The following LAD1 variants were observed in gnomAD, a reference collection of about 807,000 sequenced individuals.
LAD1 encodes ladinin-1.
A neutral mutation model predicts 54.2 loss-of-function variants in LAD1; 53 were observed. That is an observed-to-expected ratio of 0.98 (90% CI 0.78 to 1.23). LAD1 has a LOEUF of 1.23. Ranked by LOEUF, LAD1 falls within the 50% of genes most tolerant of loss-of-function variation. The pLI is 0.00. For missense variants in LAD1, 637 were observed against 653.3 expected, an observed-to-expected ratio of 0.98 and a Z score of 0.27; for synonymous variants, 231 against 257.7, an observed-to-expected ratio of 0.90 and a Z score of 0.99.
In LAD1 at chr1:201,386,833, C is replaced by G; in HGVS notation, c.528G>C (p.Lys176Asn). 1 of 1,613,860 alleles carries G rather than the reference C, an allele frequency of 6.2e-7. No individual in the cohort carries two copies. Among genetic ancestry groups the G allele is most frequent in the African/African-American group, 1.3e-5 (1 of 74,926 alleles). Reference protein sequence around the residue: ...PEERKKGVPEKSPVLEKSSMP... With the variant: ...PEERKKGVPENSPVLEKSSMP... The stretch of plus-strand genomic sequence containing the variant: ...TGGAGGACTTCTCCAAGACTGGGGA[C>G]TTTTCTGGAACCCCTTTCTTCCTCT... Residue 176 changes from lysine (K) to asparagine (N), a missense_variant, in exon 3 of 10, where the codon AAG (lysine) becomes AAC (asparagine). Transcript: ENST00000391967.
Position 201,389,166 on chromosome 1 carries a change from G to T in LAD1, c.176C>A (p.Ser59Tyr). Reference sequence around the variant, plus strand: ...TAGAAACCTGAGCACCTACCTCTCAGAAGCAGAGGCCTGCCGGTCTCCATT... The same window carrying T: ...TAGAAACCTGAGCACCTACCTCTCATAAGCAGAGGCCTGCCGGTCTCCATT... The part of the protein sequence containing the change: ...SQNGDRQASA[S>Y]ERLPSVEEAE... The change falls in exon 2 of 10, where the codon TCT (serine) becomes TAT (tyrosine). Residue 59 changes from serine (S) to tyrosine (Y), a missense_variant. Ser to Tyr is a moderately radical substitution (Grantham distance 144, BLOSUM62 -2). Coordinates refer to ENST00000391967, the MANE Select transcript of LAD1 (RefSeq NM_005558.4). 1 of 1,613,986 alleles carries T rather than the reference G, an allele frequency of 6.2e-7. No individual in the cohort carries two copies. The highest frequency in any genetic ancestry group is 8.5e-7 in the Non-Finnish European group (1 of 1,179,870).
At chr1:201,382,393 A>C (rs1206782607) in intron 8 of LAD1, 67 bp from the exon 9 acceptor site, 9 of 1,250,658 alleles carry the variant, frequency 7.2e-6, no homozygotes, top group Non-Finnish European at 1.1e-5. Flanking sequence ...GGGATACCCC[A>C]GGCCCAGCTC....
chr1:201,385,265 C>T lies in LAD1; in HGVS notation c.1132-430G>A, dbSNP rs551277282. ...GAATAAACACCAGGACAAAGCAAGACGAGATTTCCCCAATCCACATAGTTT... is the reference window on the plus strand; with the variant it reads ...GAATAAACACCAGGACAAAGCAAGATGAGATTTCCCCAATCCACATAGTTT... On this transcript the variant is annotated intron_variant, in intron 4 of 9. Coordinates refer to ENST00000391967, the MANE Select transcript of LAD1 (RefSeq NM_005558.4). Among the ~76,000 whole-genome samples, 179 of 152,334 alleles carry T rather than the reference C, an allele frequency of 1.2e-3. 1 individual carries two copies. The South Asian group carries it at 0.032, about 27-fold the overall frequency.
Position 201,381,816 on chromosome 1 carries a change from TGA to T in LAD1, c.*70_*71del. The stretch of plus-strand genomic sequence containing the variant: ...ACAATGAGAGGAAAGGGTGCTGCTG[TGA>T]GAGGCAGGGGCCTGGCATGAGGGAG... On this transcript the variant is annotated 3_prime_UTR_variant, in exon 10 of 10. Transcript: ENST00000391967. The T allele has an allele frequency of 6.6e-7, 1 of 1,511,798 alleles. No homozygotes were observed. The highest frequency in any genetic ancestry group is 9.2e-7 in the Non-Finnish European group (1 of 1,086,898). The allele number at this position is 1,511,798 out of a possible 1,614,324, so 93.6% of individuals were successfully genotyped here. A position where few individuals can be genotyped will look rare whatever the true frequency, so the allele number is the denominator to read the frequency against.
chr1:201,383,381 A>C lies in LAD1; in HGVS notation c.1184T>G (p.Met395Arg), dbSNP rs200504362. 186 of 1,613,924 alleles carry C rather than the reference A, an allele frequency of 1.2e-4. No homozygotes were observed. Among genetic ancestry groups the C allele is most frequent in the Non-Finnish European group, 1.9e-5 (23 of 1,180,006 alleles). ...SETTLTRSAS[M>R]KLPDNTVKLG... is the part of the protein sequence containing the mutation. ...CTTCACTGTGTTGTCTGGGAGCTTC[A>C]TGCTGGCACTGCAGGATGGAAGATG... The change falls in exon 6 of 10, where the codon ATG becomes AGG. Residue 395 changes from methionine (M) to arginine (R), a missense_variant. Met to Arg is a moderately conservative substitution (Grantham distance 91). Transcript: ENST00000391967.
chr1:201,382,229 C>A (rs757035139), intron 9 of LAD1, 23 bp downstream of exon 9: 3 of 1,602,950 alleles, frequency 1.9e-6, no homozygotes, highest in Admixed American at 1.7e-5. Context: ...CGCCGTAGGG[C>A]CAGGCTCCTC....
rs1175758665 is a variant in LAD1, at chr1:201,383,050, C to G, written c.1386+24G>C. On this transcript the variant is annotated intron_variant, in intron 7 of 9. Transcript: ENST00000391967. Reference sequence around the variant, plus strand: ...ACGTCAGGGCTAATCACCCTAAGGACCCTGTGGGGCCTGAGCCCCTCACCT... The same window carrying G: ...ACGTCAGGGCTAATCACCCTAAGGAGCCTGTGGGGCCTGAGCCCCTCACCT... 1.6e-5 allele frequency: 26 copies of G among 1,604,390 alleles called. No homozygotes were observed. In the Admixed American group the frequency reaches 4.4e-4, roughly 27 times the overall value.
At chr1:201,393,295 A>T (rs1662228797) in intron 1 of LAD1, among the ~76,000 whole-genome samples, 2 of 152,330 alleles carry the variant, frequency 1.3e-5, no homozygotes, top group South Asian at 2.1e-4. Flanking sequence ...TGCGAGGGGA[A>T]TGAGACCAAG....
intron 9 of LAD1, 54 bp from the exon 10 acceptor site, chr1:201,381,947 G>A (rs1661971617): frequency 6.3e-6 from 10 of 1,592,660 alleles, no homozygotes; most frequent in Non-Finnish European, 8.6e-6. Context: ...GGATGGAAGG[G>A]GAAGGGGGCC....
intron 2 of LAD1, 132 bp from the exon 3 acceptor site, chr1:201,387,310 C>T (rs1342200397): frequency 2.3e-6 from 2 of 880,654 alleles, no homozygotes; most frequent in Non-Finnish European, 3.2e-6. Context: ...CTCCCCGGCT[C>T]ACCACCACCT....
At chr1:201,399,174 G>A (rs2102362910) in intron 1 of LAD1, 95 bp downstream of exon 1, 1 of 1,023,662 alleles carries the variant, frequency 9.8e-7, no homozygotes, top group Non-Finnish European at 1.5e-6. Context: ...TCAGTGTCAG[G>A]GTCCCAGGCG....
At chr1:201,393,493 C>G (rs1662231678) in intron 1 of LAD1, among the ~76,000 whole-genome samples, 1 of 152,146 alleles carries the variant, frequency 6.6e-6, no homozygotes, top group South Asian at 2.1e-4. Flanking sequence ...TGCCTGTAAT[C>G]CTAGCACTTT....
chr1:201,383,626 A>C, intron 5 of LAD1: 1 of 552,620 alleles, frequency 1.8e-6, no homozygotes. Flanking sequence ...TCTCCCCCAT[A>C]CCTTGTCATT....
chr1:201,391,700 G>C (rs1219999751), intron 1 of LAD1, among the ~76,000 whole-genome samples: 1 of 152,168 alleles, frequency 6.6e-6, no homozygotes, highest in Non-Finnish European at 1.5e-5. Context: ...GAGATGAACC[G>C]GGCTGCATCT....
At position 201,384,836 on chromosome 1, in the gene LAD1, C is replaced by T; in HGVS notation, c.1132-1G>A. 6.2e-7 allele frequency: 1 copy of T among 1,613,950 alleles called. No individual in the cohort carries two copies. Among genetic ancestry groups the T allele is most frequent in the Admixed American group, 1.7e-5 (1 of 60,022 alleles). On this transcript the variant is annotated splice_acceptor_variant, in intron 4 of 9. Coordinates refer to ENST00000391967, the MANE Select transcript of LAD1 (RefSeq NM_005558.4). LOFTEE classifies it high-confidence loss of function. ...CCGAGTTTTCTTTCTTGGGTTTCAT[C>T]TGAAATGAGAAGGAAAGGCATTGTT...
In LAD1 at chr1:201,387,118, C is replaced by T; in HGVS notation, c.243G>A (p.Glu81=). 2 of 1,574,168 alleles carry T rather than the reference C, an allele frequency of 1.3e-6. No individual in the cohort carries two copies. The highest frequency in any genetic ancestry group is 1.7e-6 in the Non-Finnish European group (2 of 1,162,818). Residue 81 remains glutamate (E), a synonymous_variant, in exon 3 of 10, where the codon GAG becomes GAA. Transcript: ENST00000391967. ...PKPLPPASKD[E]DEDIQSILRT... ...TGAGGATGCTCTGGATGTCCTCGTC[C>T]TCATCTTTGGAGGCTGGGGGCAGTG...
intron 5 of LAD1, 156 bp downstream of exon 5, chr1:201,384,636 C>T: frequency 2.7e-6 from 2 of 736,988 alleles, no homozygotes; most frequent in Non-Finnish European, 4.8e-6. Flanking sequence ...CCTGTTAATC[C>T]CATCCCCCTG....
rs181261425 is a variant in LAD1, at chr1:201,387,079, C to T, written c.282G>A (p.Glu94=). The T allele has an allele frequency of 1.7e-5, 27 of 1,610,810 alleles. 1 individual carries two copies. In the East Asian group the frequency reaches 5.8e-4, roughly 35 times the overall value. Residue 94 remains glutamate (E), a synonymous_variant, in exon 3 of 10, where the codon GAG becomes GAA. Coordinates refer to ENST00000391967, the MANE Select transcript of LAD1 (RefSeq NM_005558.4). ...DIQSILRTRQ[E]RRQRRQVVEA... ...CCACCACCTGCCGCCTCTGCCTCCG[C>T]TCCTGCCGTGTTCTGAGGATGCTCT... is the stretch of plus-strand genomic sequence containing the variant.
At chr1:201,389,394 T>G in intron 1 of LAD1, 91 bp from the exon 2 acceptor site, 2 of 1,467,244 alleles carry the variant, frequency 1.4e-6, no homozygotes, top group African/African-American at 1.4e-5. Context: ...AGAGACCAAA[T>G]GCCCTCTAGG....
Sources: gnomAD v4.1 joint callset for allele counts (sites outside exome capture counted in the v4.1 genomes callset) on GRCh38, gnomAD v4.1.1 for gene constraint, MANE v1.5 for transcripts, NCBI Gene and HGNC (gene_info 2026-07-23, HGNC 2026-07-21) for gene names.